The following PARP9 variants were observed in gnomAD, a reference collection of about 807,000 sequenced individuals.
PARP9 encodes protein mono-ADP-ribosyltransferase PARP9.
Under a neutral mutation model 68.8 loss-of-function variants are expected in PARP9, and 48 were observed. The ratio of observed to expected loss-of-function variants is 0.70; its 90% CI spans 0.55 to 0.89. The LOEUF is 0.89. PARP9 is among the 40% of genes least tolerant of loss of function. The probability of loss-of-function intolerance (pLI) is 0.00; values close to 1 mark genes in which losing one functional copy is unlikely to be tolerated. For synonymous variants in PARP9, 309 were observed against 333.8 expected (o/e 0.93, Z 0.81); for missense variants, 806 against 969.3 (o/e 0.83, Z 2.24).
intron 3 of PARP9, chr3:122,558,218 CG>C: frequency 1.5e-6 from 2 of 1,319,890 alleles, no homozygotes; most frequent in Non-Finnish European, 2.1e-6. Context: ...CTCACATTTA[CG>C]GGCAAAGGAG....
intron 1 of PARP9, among the ~76,000 whole-genome samples, chr3:122,562,615 T>C (rs1447060623): frequency 6.6e-6 from 1 of 152,254 alleles, no homozygotes; most frequent in Non-Finnish European, 1.5e-5. Flanking sequence ...TCTCCGCTGC[T>C]AAATTCCCTG....
chr3:122,550,233 C>G lies in PARP9; in HGVS notation c.1326+351G>C, dbSNP rs1428204863. Among the ~76,000 whole-genome samples, 7 of 152,158 alleles carry G rather than the reference C, an allele frequency of 4.6e-5. 1 individual carries two copies. In the South Asian group the frequency reaches 1.4e-3, roughly 31 times the overall value. On this transcript the variant is annotated intron_variant, in intron 6 of 10. Coordinates refer to ENST00000682323, the MANE Select transcript of PARP9 (RefSeq NM_001146105.2). Reference sequence around the variant, plus strand: ...TAGCTGGGATTAAAGGCATGTGCCACCACGCCCAGCTAATTTTGTATTTTT... The same window carrying G: ...TAGCTGGGATTAAAGGCATGTGCCAGCACGCCCAGCTAATTTTGTATTTTT...
intron 6 of PARP9, among the ~76,000 whole-genome samples, chr3:122,548,460 A>G (rs532879748): frequency 9.2e-5 from 14 of 152,200 alleles, no homozygotes; most frequent in Non-Finnish European, 1.6e-4. Flanking sequence ...TCAGAAACCT[A>G]TATCTTGAAA....
In PARP9 at chr3:122,552,492, C is replaced by T; in HGVS notation, c.1033G>A (p.Val345Ile). 1 of 1,614,102 alleles carries T rather than the reference C, an allele frequency of 6.2e-7. No individual in the cohort carries two copies. The highest frequency in any genetic ancestry group is 8.5e-7 in the Non-Finnish European group (1 of 1,180,008). ...KQFQRSQLVL[V>I]TKGFNLFCKY... is the part of the protein sequence containing the mutation. Reference sequence around the variant, plus strand: ...CAGAACAAGTTAAATCCTTTTGTGACCAGTACCAACTGGGACCGTTGAAAC... The same window carrying T: ...CAGAACAAGTTAAATCCTTTTGTGATCAGTACCAACTGGGACCGTTGAAAC... The change falls in exon 5 of 11, where the codon GTC becomes ATC. Residue 345 changes from valine to isoleucine, a missense_variant. Physicochemically the swap from Val to Ile is conservative, Grantham distance 29. Around this residue, in one of 2 missense-constraint regions of PARP9, gnomAD observed 680 missense variants for 858.8 expected, o/e 0.79. Transcript: ENST00000682323.
chr3:122,560,025 A>G (rs1243635585), intron 1 of PARP9, among the ~76,000 whole-genome samples: 1 of 152,156 alleles, frequency 6.6e-6, no homozygotes, highest in Admixed American at 6.5e-5. Context: ...ACATATTTAG[A>G]AGAAGAGGGT....
chr3:122,534,075 G>A (rs2077477221), intron 10 of PARP9: 4 of 984,798 alleles, frequency 4.1e-6, no homozygotes, highest in African/African-American at 1.7e-5. Context: ...GGCAGTGGCT[G>A]TTAAGCTAAG....
At chr3:122,558,296 C>A in intron 3 of PARP9, 138 bp downstream of exon 3, 2 of 1,603,782 alleles carry the variant, frequency 1.2e-6, no homozygotes, top group Non-Finnish European at 8.5e-7. Flanking sequence ...GAAGCATGTG[C>A]GGGGGTCCCC....
At chr3:122,560,443 GTGGCTCGATCT>G (rs1378160675) in intron 1 of PARP9, among the ~76,000 whole-genome samples, 2 of 152,112 alleles carry the variant, frequency 1.3e-5, no homozygotes, top group African/African-American at 2.4e-5. Flanking sequence ...CAGGAATGCA[GTGGCTCGATCT>G]TGGCTCACTG....
chr3:122,539,727 AT>A (rs984131207), intron 8 of PARP9, among the ~76,000 whole-genome samples: 2 of 151,392 alleles, frequency 1.3e-5, no homozygotes, highest in African/African-American at 4.9e-5. Flanking sequence ...TGCCTGGCTA[AT>A]TTTTTTTGTA....
chr3:122,564,633 G>T, upstream of PARP9: 1 of 1,578,262 alleles, frequency 6.3e-7, no homozygotes, highest in Non-Finnish European at 8.6e-7. Flanking sequence ...GGGCGGCCAG[G>T]CTGCGAAAGC....
chr3:122,549,783 T>TA (rs1192279068), intron 6 of PARP9, among the ~76,000 whole-genome samples: 39 of 145,486 alleles, frequency 2.7e-4, no homozygotes, highest in Admixed American at 4.8e-4. Flanking sequence ...CACATCTGTT[T>TA]AAAAAAAAAA....
chr3:122,539,476 ATCTATC>A (rs532509037), intron 8 of PARP9, among the ~76,000 whole-genome samples: 26 of 150,442 alleles, frequency 1.7e-4, no homozygotes, highest in African/African-American at 4.2e-4. Context: ...TGATATCTAT[ATCTATC>A]TCTATCTCTA....
chr3:122,532,096 C>T (rs1190167556), intron 10 of PARP9: 1 of 967,624 alleles, frequency 1.0e-6, no homozygotes, highest in Non-Finnish European at 1.2e-6. Context: ...AGTCCCTCAT[C>T]CAGCTTCATC....
chr3:122,543,338 C>T (rs1157002273), intron 7 of PARP9, among the ~76,000 whole-genome samples: 1 of 151,774 alleles, frequency 6.6e-6, no homozygotes, highest in Non-Finnish European at 1.5e-5. Context: ...AGTGCAATGG[C>T]GCAATCTTGG....
Position 122,528,684 on chromosome 3 carries a change from C to T in PARP9, c.2140G>A (p.Ala714Thr). 1 of 1,613,956 alleles carries T rather than the reference C, an allele frequency of 6.2e-7. No homozygotes were observed. The highest frequency in any genetic ancestry group is 8.5e-7 in the Non-Finnish European group (1 of 1,179,928). Reference sequence around the variant, plus strand: ...TTATCTGCAGCAGAGATTTTCTTGGCCTTCTCTGCCAGGTTTTTGAGGTTC... The same window carrying T: ...TTATCTGCAGCAGAGATTTTCTTGGTCTTCTCTGCCAGGTTTTTGAGGTTC... ...TKNLKNLAEK[A>T]KKISAADKLI... Residue 714 changes from alanine to threonine, a missense_variant, in exon 11 of 11, where the codon GCC (alanine) becomes ACC (threonine). Physicochemically the swap from Ala to Thr is moderately conservative, Grantham distance 58. Around this residue, in one of 2 missense-constraint regions of PARP9, gnomAD observed 680 missense variants for 858.8 expected, o/e 0.79. Coordinates refer to ENST00000682323, the MANE Select transcript of PARP9 (RefSeq NM_001146105.2).
At chr3:122,535,843 C>CAAAAAAAAAAA (rs10716375) in intron 10 of PARP9, 1 of 846,204 alleles carries the variant, frequency 1.2e-6, no homozygotes, top group Non-Finnish European at 1.4e-6. Context: ...ATAAGTAAGG[C>CAAAAAAAAAAA]AAAAAAAAAA....
chr3:122,559,668 T>G lies in PARP9; in HGVS notation c.-48A>C. The G allele has an allele frequency of 6.4e-7, 1 of 1,553,528 alleles. No homozygotes were observed. The highest frequency in any genetic ancestry group is 1.4e-5 in the African/African-American group (1 of 73,120). ...TTTAAATGTTTATTCCCTTTTGCGCTTCAAAGCATAGACTGTAGTTTCCAG... is the reference window on the plus strand; with the variant it reads ...TTTAAATGTTTATTCCCTTTTGCGCGTCAAAGCATAGACTGTAGTTTCCAG... On this transcript the variant is annotated 5_prime_UTR_variant, in exon 2 of 11. Transcript: ENST00000682323.
chr3:122,532,290 G>A, intron 10 of PARP9: 1 of 985,292 alleles, frequency 1.0e-6, no homozygotes, highest in South Asian at 4.7e-5. Flanking sequence ...GGCCTGTGCA[G>A]ACACTACCTG....
chr3:122,537,180 A>C (rs2077711527), intron 8 of PARP9, 107 bp from the exon 9 acceptor site: 3 of 1,200,068 alleles, frequency 2.5e-6, no homozygotes, highest in East Asian at 2.4e-5. Context: ...AGCCAGTTTA[A>C]ATTGTGTGCC....
Sources: allele counts gnomAD v4.1 joint callset (sites outside exome capture counted in the v4.1 genomes callset), GRCh38; gene constraint gnomAD v4.1.1; regional missense constraint gnomAD v4.1.1; transcripts MANE v1.5; gene names NCBI Gene and HGNC (gene_info 2026-07-23, HGNC 2026-07-21).